SLC14A2: variants seen among roughly 807,000 people sequenced by gnomAD.
SLC14A2 encodes solute carrier family 14 member 2.
In SLC14A2, 91 loss-of-function variants were observed where a neutral mutation model predicts 104.6. That is an observed-to-expected ratio of 0.87 (90% confidence interval 0.73 to 1.04). The LOEUF is 1.04. Ranked by LOEUF, SLC14A2 falls within the 50% of genes least tolerant of loss-of-function variation. The pLI is 0.00. For missense variants in SLC14A2, 1,189 were observed against 1,156.0 expected, an observed-to-expected ratio of 1.03 and a Z score of -0.41; for synonymous variants, 476 against 466.4, an observed-to-expected ratio of 1.02 and a Z score of -0.27.
chr18:45,353,739 G>A (rs958328513), intron 1 of SLC14A2, among the ~76,000 whole-genome samples: 12 of 152,166 alleles, frequency 7.9e-5, no homozygotes, highest in Non-Finnish European at 1.2e-4. Flanking sequence ...AGGCATGCAT[G>A]AAGGCTGTGA....
intron 1 of SLC14A2, among the ~76,000 whole-genome samples, chr18:45,442,743 G>C (rs543173788): frequency 1.3e-5 from 2 of 152,254 alleles, no homozygotes; most frequent in South Asian, 4.2e-4. Context: ...TGTATATAAA[G>C]CTTAATTACA....
At chr18:45,403,518 G>A (rs2086118489) in intron 1 of SLC14A2, among the ~76,000 whole-genome samples, 1 of 152,162 alleles carries the variant, frequency 6.6e-6, no homozygotes, top group Non-Finnish European at 1.5e-5. Flanking sequence ...GCTTTGGGTT[G>A]CCTCTGAGTG....
chr18:45,195,717 C>G, the SLC14A2 span, among the ~76,000 whole-genome samples: 5 of 151,960 alleles, frequency 3.3e-5, no homozygotes, highest in Admixed American at 3.3e-4. Flanking sequence ...ATCTGGCATG[C>G]GGGGAAAGTA....
chr18:45,535,015 G>T (rs190544311), intron 2 of SLC14A2, among the ~76,000 whole-genome samples: 1 of 152,348 alleles, frequency 6.6e-6, no homozygotes, highest in East Asian at 1.9e-4. Context: ...GAGACCTAAG[G>T]TCTGGTGGAT....
intron 19 of SLC14A2, 145 bp downstream of exon 19, chr18:45,679,169 A>C (rs2046276298): frequency 4.2e-6 from 3 of 718,260 alleles, no homozygotes; most frequent in Non-Finnish European, 6.8e-6. Flanking sequence ...TCACTTCAGC[A>C]CCTGCTAGGC....
At chr18:45,393,910 A>T (rs1598751085) in intron 1 of SLC14A2, among the ~76,000 whole-genome samples, 1 of 152,200 alleles carries the variant, frequency 6.6e-6, no homozygotes, top group South Asian at 2.1e-4. Context: ...ACAGAAGAGG[A>T]AACAGACACC....
chr18:45,567,748 T>C (rs1378688148), intron 2 of SLC14A2, among the ~76,000 whole-genome samples: 11 of 152,062 alleles, frequency 7.2e-5, no homozygotes, highest in Admixed American at 3.9e-4. Flanking sequence ...GATCACTTCA[T>C]TGGACAGTTA....
At chr18:45,526,196 T>C (rs760958568) in intron 2 of SLC14A2, among the ~76,000 whole-genome samples, 3 of 152,176 alleles carry the variant, frequency 2.0e-5, no homozygotes, top group African/African-American at 4.8e-5. Context: ...AACCATTCTC[T>C]TCCCAACAGT....
intron 1 of SLC14A2, among the ~76,000 whole-genome samples, chr18:45,362,495 TG>T (rs1372429744): frequency 1.6e-4 from 24 of 152,194 alleles, no homozygotes; most frequent in African/African-American, 4.8e-4. Flanking sequence ...CCAACTCCCC[TG>T]GTCTTAGAGA....
intron 5 of SLC14A2, among the ~76,000 whole-genome samples, chr18:45,632,834 C>G (rs548892966): frequency 2.6e-5 from 4 of 152,138 alleles, no homozygotes; most frequent in Admixed American, 6.5e-5. Context: ...CCCGCCACCA[C>G]GCCCAGCTAA....
At chr18:45,547,093 G>A (rs1208425967) in intron 2 of SLC14A2, among the ~76,000 whole-genome samples, 1 of 152,050 alleles carries the variant, frequency 6.6e-6, no homozygotes, top group Non-Finnish European at 1.5e-5. Context: ...ACGGTCCAGA[G>A]CTCCTTCATG....
intron 5 of SLC14A2, among the ~76,000 whole-genome samples, chr18:45,634,097 C>CA (rs547819559): frequency 6.6e-6 from 1 of 152,064 alleles, no homozygotes; most frequent in African/African-American, 2.4e-5. Context: ...ATTTAAAGGA[C>CA]AAAAAAACAC....
intron 2 of SLC14A2, among the ~76,000 whole-genome samples, chr18:45,604,303 T>C (rs1272181330): frequency 1.3e-5 from 2 of 152,192 alleles, no homozygotes; most frequent in South Asian, 2.1e-4. Flanking sequence ...CCATTCACCA[T>C]CATGTGGAGG....
At chr18:45,317,973 A>G (rs1479601373) in intron 1 of SLC14A2, among the ~76,000 whole-genome samples, 1 of 151,834 alleles carries the variant, frequency 6.6e-6, no homozygotes, top group Non-Finnish European at 1.5e-5. Context: ...TTGGAGCCCC[A>G]CCTTTCCTTT....
intron 2 of SLC14A2, among the ~76,000 whole-genome samples, chr18:45,504,218 C>A (rs1028867408): frequency 1.3e-5 from 2 of 152,146 alleles, no homozygotes; most frequent in Non-Finnish European, 2.9e-5. Context: ...TTCCAGCAAA[C>A]AATACTTTGA....
Position 45,322,275 on chromosome 18 carries a change from AGAGCCTG to A in SLC14A2, c.-125+109095_-125+109101del, listed in dbSNP as rs774327624. Among the ~76,000 whole-genome samples the A allele has an allele frequency of 5.3e-5, 8 of 152,366 alleles. No individual in the cohort carries two copies. In the South Asian group the frequency reaches 8.3e-4, roughly 16 times the overall value. Reference sequence around the variant, plus strand: ...ATATACTGGTTAGGTCAACATAATTAGAGCCTGGAGCCTGGAGGTTGTGGCCATTTAG... The same window carrying A: ...ATATACTGGTTAGGTCAACATAATTAGAGCCTGGAGGTTGTGGCCATTTAG... On this transcript the variant is annotated intron_variant, in intron 1 of 20. Coordinates refer to the SLC14A2 transcript ENST00000586448.
At chr18:45,368,568 T>A (rs1372312290) in intron 1 of SLC14A2, among the ~76,000 whole-genome samples, 1 of 152,196 alleles carries the variant, frequency 6.6e-6, no homozygotes, top group African/African-American at 2.4e-5. Flanking sequence ...TTGTTAAGCA[T>A]TTGGGAAGTC....
At chr18:45,191,062 C>T in the SLC14A2 span, among the ~76,000 whole-genome samples, 1 of 152,096 alleles carries the variant, frequency 6.6e-6, no homozygotes. Context: ...AGGACAGCTC[C>T]CATGGTGTCC....
At chr18:45,562,231 G>T (rs990923075) in intron 2 of SLC14A2, among the ~76,000 whole-genome samples, 1 of 152,188 alleles carries the variant, frequency 6.6e-6, no homozygotes, top group Non-Finnish European at 1.5e-5. Context: ...GAACAGATAA[G>T]CATGTTGTGA....
Sources: gnomAD v4.1 joint callset for allele counts (sites outside exome capture counted in the v4.1 genomes callset) on GRCh38, gnomAD v4.1.1 for gene constraint, MANE v1.5 for transcripts, NCBI Gene and HGNC (gene_info 2026-07-23, HGNC 2026-07-21) for gene names.